Variants in LARGE1 observed in about 807,000 individuals in gnomAD.
The protein encoded by LARGE1 is xylosyl- and glucuronyltransferase LARGE1.
Under a neutral mutation model 87.6 loss-of-function variants are expected in LARGE1, and 43 were observed. The observed-to-expected ratio is 0.49, with a 90% CI of 0.38 to 0.63. The LOEUF is 0.63. LARGE1 is among the 30% of genes least tolerant of loss of function. The pLI is 0.00. For synonymous variants in LARGE1, 434 were observed against 394.6 expected, an observed-to-expected ratio of 1.10 and a Z score of -1.18; for missense variants, 802 against 1,000.2, an observed-to-expected ratio of 0.80 and a Z score of 2.67.
At chr22:33,235,091 A>G (rs1926187965) in intron 11 of LARGE1, among the ~76,000 whole-genome samples, 1 of 152,202 alleles carries the variant, frequency 6.6e-6, no homozygotes. Context: ...TTGAAAACAC[A>G]TATTCTCATT....
At chr22:33,203,066 A>ACTCTCTCTCTCTCTCTCTCTCT (rs35446457) in intron 11 of LARGE1, among the ~76,000 whole-genome samples, 1 of 139,382 alleles carries the variant, frequency 7.2e-6, no homozygotes, top group Non-Finnish European at 1.6e-5. Flanking sequence ...TAGAATCTAA[A>ACTCTCTCTCTCTCTCTCTCTCT]CTCTCTCTCT....
At chr22:33,675,967 T>C (rs2081564738) in intron 2 of LARGE1, among the ~76,000 whole-genome samples, 1 of 151,510 alleles carries the variant, frequency 6.6e-6, no homozygotes, top group Non-Finnish European at 1.5e-5. Flanking sequence ...CACGACATTT[T>C]CACCAAACCA....
chr22:33,793,846 G>C (rs575397387), intron 1 of LARGE1, among the ~76,000 whole-genome samples: 105 of 151,754 alleles, frequency 6.9e-4, no homozygotes, highest in Non-Finnish European at 1.3e-3. Context: ...ATCATACAAA[G>C]AGGGGGTGGT....
At chr22:33,515,465 AC>A (rs1268323905) in intron 6 of LARGE1, among the ~76,000 whole-genome samples, 1 of 152,160 alleles carries the variant, frequency 6.6e-6, no homozygotes, top group Non-Finnish European at 1.5e-5. Flanking sequence ...CTGTTAGCGT[AC>A]CTGACACATG....
At chr22:33,305,245 G>A (rs983480785) in intron 11 of LARGE1, among the ~76,000 whole-genome samples, 4 of 151,788 alleles carry the variant, frequency 2.6e-5, no homozygotes, top group African/African-American at 7.3e-5. Context: ...GATGCTGTCT[G>A]CATCACTCGT....
intron 2 of LARGE1, among the ~76,000 whole-genome samples, chr22:33,700,470 A>G (rs1331118259): frequency 6.6e-6 from 1 of 152,224 alleles, no homozygotes; most frequent in African/African-American, 2.4e-5. Flanking sequence ...AAATGACTAA[A>G]TAAAATGCAA....
intron 10 of LARGE1, among the ~76,000 whole-genome samples, chr22:33,320,203 C>T (rs553520821): frequency 6.6e-6 from 1 of 152,236 alleles, no homozygotes; most frequent in African/African-American, 2.4e-5. Flanking sequence ...CCCATCACCC[C>T]CACACTCTGT....
chr22:33,452,953 A>G (rs1429187195), intron 6 of LARGE1, among the ~76,000 whole-genome samples: 2 of 152,224 alleles, frequency 1.3e-5, no homozygotes, highest in Admixed American at 1.3e-4. Flanking sequence ...AATTACCGTG[A>G]CGGAGGATTG....
intron 1 of LARGE1, among the ~76,000 whole-genome samples, chr22:33,797,616 G>C (rs2086027708): frequency 1.3e-5 from 2 of 152,266 alleles, no homozygotes; most frequent in South Asian, 4.2e-4. Context: ...TGACAGCCCT[G>C]ACCAATCTCC....
rs191523942 is a variant in LARGE1 at position 33,612,669 on chromosome 22, G to A, written c.492-8111C>T. ...CCTACTTAATGCCAGAAATAGGGAG[G>A]ATAAAAAGAAAAAAAGAGAGACCAC... On this transcript the variant is annotated intron_variant, in intron 4 of 14. Transcript: ENST00000397394. 1.2e-3 allele frequency among the ~76,000 whole-genome samples: 182 copies of A among 152,138 alleles called. 1 individual carries two copies. The highest frequency in any genetic ancestry group is 1.8e-3 in the Non-Finnish European group (120 of 67,970).
chr22:33,322,848 C>A (rs1936880598), intron 10 of LARGE1: 1 of 152,288 alleles, frequency 6.6e-6, no homozygotes, highest in South Asian at 2.1e-4. Context: ...GGTGGCCGGG[C>A]ACCGTGGCTC....
At chr22:33,892,183 AAAACC>A (rs2065023346) in intron 1 of LARGE1, among the ~76,000 whole-genome samples, 1 of 152,168 alleles carries the variant, frequency 6.6e-6, no homozygotes, top group Non-Finnish European at 1.5e-5. Flanking sequence ...GAGCCATCCC[AAAACC>A]AGTGTCTTGA....
At chr22:33,587,851 A>G (rs1293833706) in intron 5 of LARGE1, among the ~76,000 whole-genome samples, 1 of 152,024 alleles carries the variant, frequency 6.6e-6, no homozygotes. Flanking sequence ...TCAAGCTTTC[A>G]ATCAATACAA....
intron 3 of LARGE1, among the ~76,000 whole-genome samples, chr22:33,649,101 G>A (rs1159040191): frequency 2.6e-5 from 4 of 152,082 alleles, no homozygotes; most frequent in African/African-American, 9.7e-5. Context: ...ATTCCTCGTT[G>A]GACATCCTCT....
At chr22:33,099,346 T>C in the LARGE1 span, among the ~76,000 whole-genome samples, 30,351 of 149,718 alleles carry the variant, frequency 0.2, 3,142 homozygotes, top group Admixed American at 0.25. Flanking sequence ...CTCTGCCTCC[T>C]GGGTTTAAGC....
intron 1 of LARGE1, among the ~76,000 whole-genome samples, chr22:33,815,823 C>A (rs961028518): frequency 3.9e-5 from 6 of 152,120 alleles, no homozygotes; most frequent in East Asian, 1.9e-4. Context: ...CAGTCTCATG[C>A]ATCTGCAGAG....
chr22:33,379,168 G>C (rs994868014), intron 9 of LARGE1, among the ~76,000 whole-genome samples: 26 of 138,080 alleles, frequency 1.9e-4, no homozygotes, highest in Admixed American at 8.7e-4. Context: ...TTTCAGTGGG[G>C]AAGTTCTTTT....
At chr22:33,164,245 C>T (rs1007296259) in exon 12 of LARGE1, 1 of 152,172 alleles carries the variant, frequency 6.6e-6, no homozygotes, top group Non-Finnish European at 1.5e-5. Flanking sequence ...TGACTTTTCG[C>T]TTTGTCTGTT....
At chr22:33,780,934 T>C (rs550372003) in intron 1 of LARGE1, among the ~76,000 whole-genome samples, 79 of 152,364 alleles carry the variant, frequency 5.2e-4, no homozygotes, top group Admixed American at 1.8e-3. Flanking sequence ...GGTTAATAAG[T>C]GCTAGGTCAT....
Sources: allele counts gnomAD v4.1 joint callset (sites outside exome capture counted in the v4.1 genomes callset), GRCh38; gene constraint gnomAD v4.1.1; transcripts MANE v1.5; gene names NCBI Gene and HGNC (gene_info 2026-07-23, HGNC 2026-07-21).